RIMS1: variants seen among roughly 807,000 people sequenced by gnomAD.
The protein encoded by RIMS1 is regulating synaptic membrane exocytosis protein 1.
Under a neutral mutation model 214.1 loss-of-function variants are expected in RIMS1, and 83 were observed. That is an observed-to-expected ratio of 0.39 (90% CI 0.32 to 0.47). RIMS1 has a LOEUF of 0.47. RIMS1 is among the 20% of genes least tolerant of loss of function. RIMS1 has a pLI of 0.99. For synonymous variants in RIMS1, 793 were observed against 786.8 expected, an observed-to-expected ratio of 1.01 and a Z score of -0.13; for missense variants, 2,050 against 2,161.8, an observed-to-expected ratio of 0.95 and a Z score of 1.03.
chr6:72,304,998 T>G (rs2095014809), intron 26 of RIMS1, among the ~76,000 whole-genome samples: 1 of 151,976 alleles, frequency 6.6e-6, no homozygotes, highest in Admixed American at 6.6e-5. Context: ...AGTTTTAACT[T>G]CATTGGGAGT....
intron 2 of RIMS1, among the ~76,000 whole-genome samples, chr6:71,971,959 T>C (rs1208072733): frequency 6.6e-6 from 1 of 152,130 alleles, no homozygotes; most frequent in African/African-American, 2.4e-5. Context: ...CTGTAAGTTA[T>C]CCAAGCATAT....
At chr6:72,130,667 T>C (rs1448181238) in intron 4 of RIMS1, among the ~76,000 whole-genome samples, 12 of 152,190 alleles carry the variant, frequency 7.9e-5, no homozygotes, top group Non-Finnish European at 7.4e-5. Context: ...CAACACCACA[T>C]TGCTTTGAAA....
At chr6:72,170,184 C>T (rs2153952558) in intron 4 of RIMS1, among the ~76,000 whole-genome samples, 1 of 145,996 alleles carries the variant, frequency 6.8e-6, no homozygotes, top group South Asian at 2.3e-4. Flanking sequence ...ATAGCTTACT[C>T]TTACTCAAAT....
At chr6:72,013,769 G>T (rs1811720307) in intron 2 of RIMS1, among the ~76,000 whole-genome samples, 1 of 152,168 alleles carries the variant, frequency 6.6e-6, no homozygotes, top group South Asian at 2.1e-4. Flanking sequence ...ATGAAAGTGT[G>T]CAGTTCACTG....
Position 72,047,060 on chromosome 6 carries a change from A to G in RIMS1, c.246-49889A>G, listed in dbSNP as rs16882043. On this transcript the variant is annotated intron_variant, in intron 2 of 33. Transcript: ENST00000521978. ...CAAAAAAAGTCTGTTTTACTGTTATATAGCCTAAAATGAAATGTTTTTAAT... is the reference window on the plus strand; with the variant it reads ...CAAAAAAAGTCTGTTTTACTGTTATGTAGCCTAAAATGAAATGTTTTTAAT... 3.3e-3 allele frequency among the ~76,000 whole-genome samples: 506 copies of G among 152,270 alleles called. 12 individuals carry two copies. The East Asian group carries it at 0.047, about 14-fold the overall frequency.
At chr6:72,311,603 A>C (rs17689633) in intron 27 of RIMS1, among the ~76,000 whole-genome samples, 30,020 of 152,204 alleles carry the variant, frequency 0.2, 3,674 homozygotes, top group Non-Finnish European at 0.27. Flanking sequence ...TCACACAATT[A>C]TGAAAAATCC....
intron 1 of RIMS1, among the ~76,000 whole-genome samples, chr6:71,887,562 A>G (rs73536320): frequency 2.0e-4 from 30 of 152,252 alleles, no homozygotes; most frequent in African/African-American, 7.2e-4. Flanking sequence ...GGGGATGAGT[A>G]GAAACAAGGG....
intron 2 of RIMS1, among the ~76,000 whole-genome samples, chr6:72,093,935 A>C (rs993978355): frequency 1.3e-5 from 2 of 152,142 alleles, no homozygotes; most frequent in African/African-American, 4.8e-5. Flanking sequence ...CTTCAGAGAT[A>C]TGTTACTTTT....
intron 6 of RIMS1, among the ~76,000 whole-genome samples, chr6:72,215,543 T>G (rs1199569772): frequency 6.6e-6 from 1 of 152,226 alleles, no homozygotes; most frequent in Non-Finnish European, 1.5e-5. Context: ...ATCTCTAATA[T>G]GGGATAAGTG....
At chr6:72,380,236 G>A (rs1347992295) in intron 29 of RIMS1, among the ~76,000 whole-genome samples, 2 of 152,146 alleles carry the variant, frequency 1.3e-5, no homozygotes, top group Admixed American at 6.5e-5. Context: ...GTCACACACC[G>A]GGGTTTGTCG....
chr6:71,970,318 G>C (rs2151359326), intron 2 of RIMS1, among the ~76,000 whole-genome samples: 1 of 152,100 alleles, frequency 6.6e-6, no homozygotes, highest in South Asian at 2.1e-4. Flanking sequence ...TTGTATGATG[G>C]AACTTTTTGG....
intron 4 of RIMS1, among the ~76,000 whole-genome samples, chr6:72,106,923 A>C (rs1475420637): frequency 6.6e-6 from 1 of 152,206 alleles, no homozygotes; most frequent in African/African-American, 2.4e-5. Context: ...GCTATCAATA[A>C]CTACTAACTT....
chr6:72,091,229 T>C (rs1836158262), intron 2 of RIMS1, among the ~76,000 whole-genome samples: 1 of 152,158 alleles, frequency 6.6e-6, no homozygotes, highest in Non-Finnish European at 1.5e-5. Context: ...TTTTAAAACT[T>C]TAAAACAATA....
At chr6:72,240,045 A>G (rs573054828) in intron 9 of RIMS1, among the ~76,000 whole-genome samples, 1 of 152,162 alleles carries the variant, frequency 6.6e-6, no homozygotes, top group African/African-American at 2.4e-5. Context: ...CCTCAAATGA[A>G]CTTCTATTGT....
rs2098831548 is a variant in RIMS1 at position 72,400,929 on chromosome 6, G to A, written c.*215G>A. The A allele has an allele frequency of 1.9e-6, 1 of 525,890 alleles. No individual in the cohort carries two copies. The highest frequency in any genetic ancestry group is 3.0e-5 in the East Asian group (1 of 32,982). 32.6% of individuals were successfully genotyped at this position (525,890 alleles called of 1,614,324 possible). On this transcript the variant is annotated 3_prime_UTR_variant, in exon 34 of 34. Transcript: ENST00000521978. Reference sequence around the variant, plus strand: ...TCAAATTTACAGGAAGAATCAACATGCTGGTGAGAGTCACTGATGCTTCTA... The same window carrying A: ...TCAAATTTACAGGAAGAATCAACATACTGGTGAGAGTCACTGATGCTTCTA...
chr6:71,984,368 G>A (rs375561361), intron 2 of RIMS1, among the ~76,000 whole-genome samples: 1 of 151,938 alleles, frequency 6.6e-6, no homozygotes, highest in African/African-American at 2.4e-5. Context: ...AAAAAAAACT[G>A]TACTGCTGGA....
intron 29 of RIMS1, among the ~76,000 whole-genome samples, chr6:72,369,539 C>T (rs1390075813): frequency 6.6e-6 from 1 of 152,208 alleles, no homozygotes; most frequent in Non-Finnish European, 1.5e-5. Flanking sequence ...GCTAAAGCTG[C>T]AGTCTGCAGG....
At chr6:72,120,191 A>G (rs920993342) in intron 4 of RIMS1, among the ~76,000 whole-genome samples, 1 of 151,872 alleles carries the variant, frequency 6.6e-6, no homozygotes, top group Non-Finnish European at 1.5e-5. Flanking sequence ...GCTGGGTCAA[A>G]TGGTATTTCT....
chr6:72,322,032 G>T (rs1409166191), intron 28 of RIMS1, among the ~76,000 whole-genome samples: 1 of 152,120 alleles, frequency 6.6e-6, no homozygotes, highest in Non-Finnish European at 1.5e-5. Flanking sequence ...TAAATAATAA[G>T]CTATAGAAAG....
Sources: gnomAD v4.1 joint callset for allele counts (sites outside exome capture counted in the v4.1 genomes callset) on GRCh38, gnomAD v4.1.1 for gene constraint, MANE v1.5 for transcripts, NCBI Gene and HGNC (gene_info 2026-07-23, HGNC 2026-07-21) for gene names.